Variants in UGT1A8 observed in about 807,000 individuals in gnomAD.
UGT1A8 encodes the protein UDP glucuronosyltransferase family 1 member A8.
Under a neutral mutation model 45.3 loss-of-function variants are expected in UGT1A8, and 39 were observed. That is an observed-to-expected ratio of 0.86 (90% CI 0.67 to 1.12). UGT1A8 has a LOEUF of 1.12. Ranked by LOEUF, UGT1A8 falls within the 50% of genes most tolerant of loss-of-function variation. UGT1A8 has a pLI of 0.00. For synonymous variants in UGT1A8, 275 were observed against 249.2 expected (o/e 1.10, Z -0.97); for missense variants, 719 against 664.9 (o/e 1.08, Z -0.90).
At chr2:233,648,920 T>C in intron 1 of UGT1A8, 1 of 1,365,806 alleles carries the variant, frequency 7.3e-7, no homozygotes, top group Non-Finnish European at 1.0e-6. Context: ...CACACATCAA[T>C]TTGGTTGCTG....
chr2:233,734,036 A>G (rs1235015147), intron 1 of UGT1A8, among the ~76,000 whole-genome samples: 1 of 152,130 alleles, frequency 6.6e-6, no homozygotes. Context: ...CAGCACACCA[A>G]CATGGCACAT....
At chr2:233,750,028 T>C (rs1368553754) in intron 1 of UGT1A8, among the ~76,000 whole-genome samples, 13 of 151,882 alleles carry the variant, frequency 8.6e-5, no homozygotes, top group Admixed American at 8.5e-4. Context: ...AGTACTGCTA[T>C]AAAGATACTT....
intron 1 of UGT1A8, among the ~76,000 whole-genome samples, chr2:233,656,539 T>G (rs191482539): frequency 3.7e-3 from 566 of 152,352 alleles, no homozygotes; most frequent in Non-Finnish European, 6.1e-3. Context: ...GAACATAGTT[T>G]ATTCTTTAAG....
rs1422207500 is a variant in UGT1A8 at position 233,757,556 on chromosome 2, ATATATG to A, written c.856-9472_856-9467del. ...AAGGAATATATATATATATATATATATATATGTATATATGATATAGCTATAGTCTAA... is the reference window on the plus strand; with the variant it reads ...AAGGAATATATATATATATATATATATATATATGATATAGCTATAGTCTAA... On this transcript the variant is annotated intron_variant, in intron 1 of 4. Coordinates refer to ENST00000373450, the MANE Select transcript of UGT1A8 (RefSeq NM_019076.5). Among the ~76,000 whole-genome samples, 673 of 125,374 alleles carry A rather than the reference ATATATG, an allele frequency of 5.4e-3. 74 individuals carry two copies. The highest frequency in any genetic ancestry group is 0.02 in the African/African-American group (631 of 31,024). The allele number at this position is 125,374 out of a possible 152,430, so 82.3% of individuals were successfully genotyped here.
chr2:233,703,422 ATTGC>A (rs1478163574), intron 1 of UGT1A8, among the ~76,000 whole-genome samples: 1 of 151,304 alleles, frequency 6.6e-6, no homozygotes, highest in East Asian at 1.9e-4. Context: ...ATTTTTCTCT[ATTGC>A]TTCTCTATTT....
intron 1 of UGT1A8, among the ~76,000 whole-genome samples, chr2:233,703,389 A>T (rs77142050): frequency 0.032 from 4,829 of 151,980 alleles, 259 homozygotes; most frequent in African/African-American, 0.11. Flanking sequence ...TATATTTTCA[A>T]ATAAACAATT....
intron 1 of UGT1A8, chr2:233,747,188 GTCAGCTGTCCGTGTCT>G: frequency 6.2e-7 from 1 of 1,603,604 alleles, no homozygotes; most frequent in Non-Finnish European, 8.5e-7. Flanking sequence ...GGGGTGGACA[GTCAGCTGTCCGTGTCT>G]TCTGCTGAGA....
At chr2:233,653,186 T>C (rs1169301908) in intron 1 of UGT1A8, among the ~76,000 whole-genome samples, 1 of 152,170 alleles carries the variant, frequency 6.6e-6, no homozygotes, top group African/African-American at 2.4e-5. Flanking sequence ...AAAAATAACT[T>C]TAAAAATTAT....
At chr2:233,687,658 T>C (rs2074857282) in intron 1 of UGT1A8, among the ~76,000 whole-genome samples, 2 of 150,210 alleles carry the variant, frequency 1.3e-5, no homozygotes, top group Non-Finnish European at 3.0e-5. Flanking sequence ...ATCACAGCAC[T>C]TTAGGAGGCC....
At chr2:233,664,411 T>C (rs1275182120) in intron 1 of UGT1A8, among the ~76,000 whole-genome samples, 1 of 152,198 alleles carries the variant, frequency 6.6e-6, no homozygotes, top group Non-Finnish European at 1.5e-5. Context: ...ACCAATTTTC[T>C]ACCCTTCATT....
At chr2:233,746,459 A>G (rs1222925950) in intron 1 of UGT1A8, among the ~76,000 whole-genome samples, 1 of 151,694 alleles carries the variant, frequency 6.6e-6, no homozygotes, top group African/African-American at 2.4e-5. Flanking sequence ...GTACCTTCAA[A>G]AGGGTTCCAG....
chr2:233,745,785 G>T (rs902358677), intron 1 of UGT1A8, among the ~76,000 whole-genome samples: 5 of 150,990 alleles, frequency 3.3e-5, no homozygotes, highest in Admixed American at 1.3e-4. Flanking sequence ...CTTAGACAGG[G>T]GGGCTGGGGT....
chr2:233,772,281 C>A lies in UGT1A8; in HGVS notation c.1315C>A (p.Arg439Ser). Residue 439 changes from arginine to serine, a missense_variant, in exon 5 of 5, where the codon CGC becomes AGC. By Grantham distance (110) the Arg-to-Ser change is moderately radical. Transcript: ENST00000373450. ...NDKSYKENIMRLSSLHKDRPV... is the reference protein window; with the variant it reads ...NDKSYKENIMSLSSLHKDRPV... ...GTTTAGTTACAAGGAGAACATCATGCGCCTCTCCAGCCTTCACAAGGACCG... is the reference window on the plus strand; with the variant it reads ...GTTTAGTTACAAGGAGAACATCATGAGCCTCTCCAGCCTTCACAAGGACCG... 6.2e-7 allele frequency: 1 copy of A among 1,614,202 alleles called. No individual in the cohort carries two copies. The highest frequency in any genetic ancestry group is 1.7e-5 in the Admixed American group (1 of 60,028).
chr2:233,745,071 G>A (rs981811501), intron 1 of UGT1A8, among the ~76,000 whole-genome samples: 3 of 151,782 alleles, frequency 2.0e-5, no homozygotes, highest in Admixed American at 1.3e-4. Flanking sequence ...TATTTGTATT[G>A]TTTTTTCATT....
chr2:233,729,112 G>C, intron 1 of UGT1A8: 1 of 1,612,932 alleles, frequency 6.2e-7, no homozygotes, highest in Non-Finnish European at 8.5e-7. Flanking sequence ...TCAGCTGTCC[G>C]TGTCTTCTGC....
intron 2 of UGT1A8, among the ~76,000 whole-genome samples, chr2:233,767,578 TTCCCTTAAAGTGC>T (rs1361254822): frequency 6.6e-6 from 1 of 152,218 alleles, no homozygotes; most frequent in African/African-American, 2.4e-5. Context: ...TAAGCAAACT[TTCCCTTAAAGTGC>T]AGGAAAGTGA....
chr2:233,728,807 A>T (rs2077752310), intron 1 of UGT1A8, among the ~76,000 whole-genome samples: 1 of 152,228 alleles, frequency 6.6e-6, no homozygotes, highest in Non-Finnish European at 1.5e-5. Flanking sequence ...AGTAGGAGAC[A>T]GTGACATGAA....
intron 1 of UGT1A8, among the ~76,000 whole-genome samples, chr2:233,623,085 A>T (rs2073037862): frequency 6.6e-6 from 1 of 152,178 alleles, no homozygotes; most frequent in African/African-American, 2.4e-5. Flanking sequence ...ATTGGTCTAT[A>T]TATCTGTCTG....
At chr2:233,719,313 C>A in intron 1 of UGT1A8, 2 of 1,613,954 alleles carry the variant, frequency 1.2e-6, no homozygotes, top group Non-Finnish European at 1.7e-6. Flanking sequence ...GGCTAAGTAC[C>A]TGTCGATTCC....
Sources: gnomAD v4.1 joint callset for allele counts (sites outside exome capture counted in the v4.1 genomes callset) on GRCh38, gnomAD v4.1.1 for gene constraint, MANE v1.5 for transcripts, NCBI Gene and HGNC (gene_info 2026-07-23, HGNC 2026-07-21) for gene names.